KIAA0513: variants seen among roughly 807,000 people sequenced by gnomAD.
KIAA0513 encodes the protein uncharacterized protein KIAA0513.
Under a neutral mutation model 56.5 loss-of-function variants are expected in KIAA0513, and 39 were observed. The observed-to-expected ratio is 0.69, with a 90% CI of 0.53 to 0.90. KIAA0513 has a LOEUF of 0.90. Ranked by LOEUF, KIAA0513 falls within the 40% of genes least tolerant of loss-of-function variation. KIAA0513 has a pLI of 0.00. For synonymous variants in KIAA0513, 268 were observed against 215.6 expected, an observed-to-expected ratio of 1.24 and a Z score of -2.13; for missense variants, 591 against 535.2, an observed-to-expected ratio of 1.10 and a Z score of -1.03.
At chr16:85,086,867 C>T (rs2073815310) in intron 11 of KIAA0513, 143 bp downstream of exon 11, 3 of 869,360 alleles carry the variant, frequency 3.5e-6, no homozygotes, top group Non-Finnish European at 5.4e-6. Context: ...CATGCCAGCT[C>T]ATAATTAATC....
intron 2 of KIAA0513, 68 bp from the exon 3 acceptor site, chr16:85,071,715 C>T (rs1173022784): frequency 7.9e-7 from 1 of 1,273,880 alleles, no homozygotes. Flanking sequence ...CTTGCTCTTC[C>T]CCTGTTGCTC....
At chr16:85,069,464 G>C (rs1026019808) in intron 2 of KIAA0513, among the ~76,000 whole-genome samples, 1 of 152,078 alleles carries the variant, frequency 6.6e-6, no homozygotes, top group African/African-American at 2.4e-5. Context: ...AAGGAGTATT[G>C]ACAATTGGAG....
chr16:85,071,226 C>T (rs978527161), intron 2 of KIAA0513, among the ~76,000 whole-genome samples: 2 of 152,096 alleles, frequency 1.3e-5, no homozygotes, highest in Non-Finnish European at 2.9e-5. Context: ...CAGGGGATGG[C>T]CTGAACCATG....
At chr16:85,077,197 G>T (rs148569767) in intron 5 of KIAA0513, among the ~76,000 whole-genome samples, 2 of 152,152 alleles carry the variant, frequency 1.3e-5, no homozygotes, top group South Asian at 4.1e-4. Context: ...CCTGCTCCTA[G>T]TGGCTTCTCA....
intron 6 of KIAA0513, 50 bp from the exon 7 acceptor site, chr16:85,078,365 A>C: frequency 6.2e-7 from 1 of 1,606,276 alleles, no homozygotes; most frequent in Non-Finnish European, 8.5e-7. Flanking sequence ...TTGAGTTGAG[A>C]AAGTGTGGTG....
chr16:85,042,185 G>T (rs557602516), intron 1 of KIAA0513, among the ~76,000 whole-genome samples: 1 of 152,324 alleles, frequency 6.6e-6, no homozygotes, highest in African/African-American at 2.4e-5. Flanking sequence ...CGAAAGCCCA[G>T]CATTTATGGG....
At chr16:85,041,358 G>T (rs1039869566) in intron 1 of KIAA0513, among the ~76,000 whole-genome samples, 1 of 152,146 alleles carries the variant, frequency 6.6e-6, no homozygotes, top group Non-Finnish European at 1.5e-5. Context: ...CCCAAAGAAC[G>T]CAGCCCTTGA....
intron 6 of KIAA0513, among the ~76,000 whole-genome samples, chr16:85,078,211 G>C (rs1307881329): frequency 6.6e-6 from 1 of 152,186 alleles, no homozygotes. Context: ...CAGAGAAAAT[G>C]ACATAAAGAA....
chr16:85,086,566 C>T (rs1239034605), intron 10 of KIAA0513, 78 bp from the exon 11 acceptor site: 91 of 1,393,288 alleles, frequency 6.5e-5, no homozygotes, highest in Non-Finnish European at 5.9e-5. Context: ...CCAGCACCTG[C>T]GGGTCAGAAC....
In KIAA0513 at chr16:85,091,331, A is replaced by G. The variant is rs934807807; in HGVS notation, c.*3006A>G. The G allele has an allele frequency of 6.6e-6, 1 of 152,214 alleles. No homozygotes were observed. Among genetic ancestry groups the G allele is most frequent in the Non-Finnish European group, 1.5e-5 (1 of 68,032 alleles). The allele number at this position is 152,214 out of a possible 1,614,324, so 9.4% of individuals were successfully genotyped here. ...TTGATGTCTAAGAGGGGCCGTGGTA[A>G]TAGATTGCATCTGCCCTGTGCATGC... On this transcript the variant is annotated 3_prime_UTR_variant, in exon 13 of 13. Transcript: ENST00000683363.
Position 85,081,475 on chromosome 16 carries a change from C to T in KIAA0513, c.980+83C>T. On this transcript the variant is annotated intron_variant, in intron 9 of 12. Coordinates refer to ENST00000683363, the MANE Select transcript of KIAA0513 (RefSeq NM_001388359.1). The surrounding 1 kb of genome is among the most constrained non-coding windows in gnomAD (Gnocchi z 4.4). ...ATTTCCCGGTTTCGGAAGAGGAGAG[C>T]AGAAGAGCAGCTGAGTGGACGTGTC... The T allele has an allele frequency of 1.6e-6, 2 of 1,217,502 alleles. No homozygotes were observed. Among genetic ancestry groups the T allele is most frequent in the Non-Finnish European group, 2.4e-6 (2 of 843,458 alleles). 75.4% of individuals were successfully genotyped at this position (1,217,502 alleles called of 1,614,324 possible). A position where few individuals can be genotyped will look rare whatever the true frequency, so the allele number is the denominator to read the frequency against.
intron 8 of KIAA0513, chr16:85,079,500 A>G (rs2073711170): frequency 6.3e-6 from 1 of 159,638 alleles, no homozygotes; most frequent in Non-Finnish European, 1.4e-5. Flanking sequence ...TGTAGCAGGG[A>G]TAGACCTGGG....
At chr16:85,043,387 C>T (rs72803567) in intron 1 of KIAA0513, among the ~76,000 whole-genome samples, 9,094 of 149,906 alleles carry the variant, frequency 0.061, 269 homozygotes, top group Non-Finnish European at 0.066. Context: ...GGTTTGGAGC[C>T]TGTTGCTTCT....
chr16:85,063,416 C>A (rs535809894), intron 1 of KIAA0513: 1 of 152,390 alleles, frequency 6.6e-6, no homozygotes, highest in Admixed American at 6.5e-5. Context: ...CAGGCACCTG[C>A]CACCACGCCC....
At chr16:85,086,192 A>C (rs1178320226) in intron 10 of KIAA0513, among the ~76,000 whole-genome samples, 1 of 152,130 alleles carries the variant, frequency 6.6e-6, no homozygotes, top group Non-Finnish European at 1.5e-5. Context: ...CACAGGTGTG[A>C]GTCTAAAAAC....
At chr16:85,085,966 G>A (rs565387196) in intron 10 of KIAA0513, among the ~76,000 whole-genome samples, 53 of 152,310 alleles carry the variant, frequency 3.5e-4, no homozygotes, top group Non-Finnish European at 6.3e-4. Flanking sequence ...GGTGGGAAGC[G>A]TGGGGGCCTG....
intron 1 of KIAA0513, among the ~76,000 whole-genome samples, chr16:85,059,519 G>T (rs1163635774): frequency 6.6e-6 from 1 of 152,180 alleles, no homozygotes; most frequent in African/African-American, 2.4e-5. Flanking sequence ...CGAACATGAC[G>T]CTTAAGATGC....
At chr16:85,035,437 C>G (rs7188818) in intron 1 of KIAA0513, among the ~76,000 whole-genome samples, 1,770 of 152,312 alleles carry the variant, frequency 0.012, 45 homozygotes, top group African/African-American at 0.041. Flanking sequence ...AACCTCAAGT[C>G]TTTTAGCGTC....
chr16:85,062,295 T>C (rs1489264953), intron 1 of KIAA0513, among the ~76,000 whole-genome samples: 1 of 152,248 alleles, frequency 6.6e-6, no homozygotes, highest in African/African-American at 2.4e-5. Context: ...CGATGCATAG[T>C]AGATGCTCAG....
Sources: gnomAD v4.1 joint callset for allele counts (sites outside exome capture counted in the v4.1 genomes callset) on GRCh38, gnomAD v4.1.1 for gene constraint, Gnocchi (gnomAD v3.1) non-coding constraint, MANE v1.5 for transcripts, NCBI Gene and HGNC (gene_info 2026-07-23, HGNC 2026-07-21) for gene names.